The following FOXP2 variants were observed in gnomAD, a reference collection of about 807,000 sequenced individuals.
FOXP2 encodes the protein forkhead box P2.
In FOXP2, 12 loss-of-function variants were observed where a neutral mutation model predicts 115.8. The ratio of observed to expected loss-of-function variants is 0.10; its 90% CI spans 0.07 to 0.17. FOXP2 has a LOEUF of 0.17. Among genes scored for constraint, FOXP2 ranks in the 10% least tolerant of loss-of-function variants. The pLI is 1.00. For missense variants in FOXP2, 629 were observed against 843.5 expected (o/e 0.75, Z 3.15); for synonymous variants, 328 against 297.7 (o/e 1.10, Z -1.05).
chr7:114,532,793 G>A (rs912920334), intron 2 of FOXP2, among the ~76,000 whole-genome samples: 4 of 151,566 alleles, frequency 2.6e-5, no homozygotes, highest in Non-Finnish European at 4.4e-5. Context: ...AAACAATTAG[G>A]CATTAACTGG....
chr7:114,268,069 G>A (rs1274476531), intron 1 of FOXP2, among the ~76,000 whole-genome samples: 1 of 152,020 alleles, frequency 6.6e-6, no homozygotes, highest in African/African-American at 2.4e-5. Flanking sequence ...GTCCTCTTGT[G>A]AACTGGCTAA....
At chr7:114,240,416 A>G (rs924828282) in intron 1 of FOXP2, among the ~76,000 whole-genome samples, 1 of 152,146 alleles carries the variant, frequency 6.6e-6, no homozygotes, top group Non-Finnish European at 1.5e-5. Context: ...AGAACAATAA[A>G]TTCACAAAAT....
Position 114,260,446 on chromosome 7 carries a change from G to A in FOXP2, c.-101-27573G>A, listed in dbSNP as rs540253158. ...TAATGGGTCCTAGTAAGTTATTGGT[G>A]GCAAGTTACTTTTTTTTTTAAGACA... On this transcript the variant is annotated intron_variant, in intron 1 of 17. Transcript: ENST00000634411. Among the ~76,000 whole-genome samples the A allele has an allele frequency of 4.2e-4, 63 of 151,604 alleles. 1 individual carries two copies. Among genetic ancestry groups the A allele is most frequent in the Middle Eastern group, 3.4e-3 (1 of 292 alleles).
rs186266072 is a variant in FOXP2 at position 114,514,665 on chromosome 7, T to C, written c.169-19952T>C. On this transcript the variant is annotated intron_variant, in intron 2 of 16. Transcript: ENST00000350908. Reference sequence around the variant, plus strand: ...AATGCTGCAATAGGAGCTCACATATTTCTTTTTTACATTCAATTTATTTAT... The same window carrying C: ...AATGCTGCAATAGGAGCTCACATATCTCTTTTTTACATTCAATTTATTTAT... Among the ~76,000 whole-genome samples, 65 of 151,836 alleles carry C rather than the reference T, an allele frequency of 4.3e-4. No individual in the cohort carries two copies. The Middle Eastern group carries it at 0.01, about 24-fold the overall frequency.
intron 2 of FOXP2, among the ~76,000 whole-genome samples, chr7:114,352,613 G>A (rs1413167837): frequency 1.3e-5 from 2 of 152,198 alleles, no homozygotes; most frequent in East Asian, 3.9e-4. Flanking sequence ...TGGCAGGGTT[G>A]GCTCCCTCAG....
At chr7:114,689,597 C>A (rs1193544213) in intron 16 of FOXP2, among the ~76,000 whole-genome samples, 185 bp from the exon 17 acceptor site, 2 of 152,154 alleles carry the variant, frequency 1.3e-5, no homozygotes, top group Admixed American at 6.6e-5. Context: ...TGAATCCCTG[C>A]CTCCACAGTT....
chr7:114,292,132 C>T (rs1036683920), intron 2 of FOXP2, among the ~76,000 whole-genome samples: 2 of 150,846 alleles, frequency 1.3e-5, no homozygotes, highest in African/African-American at 4.9e-5. Flanking sequence ...ACAACCTTTG[C>T]CATGTTCTGT....
intron 2 of FOXP2, among the ~76,000 whole-genome samples, chr7:114,289,135 T>C (rs1036290174): frequency 5.9e-5 from 9 of 151,858 alleles, no homozygotes; most frequent in African/African-American, 1.9e-4. Flanking sequence ...GTTTGGCCTA[T>C]GGATTGTTTT....
chr7:114,283,840 G>A (rs987217919), intron 1 of FOXP2, among the ~76,000 whole-genome samples: 2 of 151,932 alleles, frequency 1.3e-5, no homozygotes, highest in Non-Finnish European at 2.9e-5. Flanking sequence ...CTCACACCCG[G>A]AGTCCCAGCT....
intron 2 of FOXP2, among the ~76,000 whole-genome samples, chr7:114,429,121 A>C (rs1253362121): frequency 6.6e-6 from 1 of 151,500 alleles, no homozygotes; most frequent in South Asian, 2.1e-4. Flanking sequence ...TATAGAGGTG[A>C]GTAGTTTGAC....
intron 13 of FOXP2, 114 bp from the exon 14 acceptor site, chr7:114,661,950 TA>T: frequency 7.4e-7 from 1 of 1,343,464 alleles, no homozygotes; most frequent in Non-Finnish European, 1.0e-6. Context: ...TTTTAATACT[TA>T]AACATGTTAA....
chr7:114,459,655 G>T (rs1363246099), intron 2 of FOXP2, among the ~76,000 whole-genome samples: 3 of 152,090 alleles, frequency 2.0e-5, no homozygotes, highest in African/African-American at 4.8e-5. Flanking sequence ...TCACTCAGCC[G>T]CCCAGGCTGG....
chr7:114,138,106 G>A (rs1421858186), intron 1 of FOXP2, among the ~76,000 whole-genome samples: 1 of 152,064 alleles, frequency 6.6e-6, no homozygotes, highest in African/African-American at 2.4e-5. Flanking sequence ...AAATAAATAA[G>A]ATAGAATAGA....
intron 16 of FOXP2, among the ~76,000 whole-genome samples, chr7:114,684,797 CATT>C (rs1421715145): frequency 2.0e-5 from 3 of 152,052 alleles, no homozygotes; most frequent in African/African-American, 7.2e-5. Context: ...CAAGTAATCT[CATT>C]AGAAGATTTC....
intron 1 of FOXP2, among the ~76,000 whole-genome samples, chr7:114,226,975 C>A (rs1310394469): frequency 6.6e-5 from 10 of 152,084 alleles, no homozygotes; most frequent in Non-Finnish European, 1.5e-5. Flanking sequence ...AAATTACATA[C>A]TCTAGTATGT....
intron 2 of FOXP2, among the ~76,000 whole-genome samples, chr7:114,472,214 T>C (rs888828304): frequency 6.6e-6 from 1 of 150,746 alleles, no homozygotes; most frequent in African/African-American, 2.4e-5. Context: ...CTTTTAAAGT[T>C]AAAAAAAAAG....
At chr7:114,421,978 C>G (rs1191745669) in intron 1 of FOXP2, among the ~76,000 whole-genome samples, 1 of 151,572 alleles carries the variant, frequency 6.6e-6, no homozygotes, top group South Asian at 2.1e-4. Flanking sequence ...TTGAGGTAAA[C>G]GTATGAGGTT....
chr7:114,249,835 C>T (rs1346328512), intron 1 of FOXP2, among the ~76,000 whole-genome samples: 1 of 151,770 alleles, frequency 6.6e-6, no homozygotes, highest in Non-Finnish European at 1.5e-5. Flanking sequence ...TTCTAGGGTA[C>T]ATGTGCACAA....
At chr7:114,263,422 C>CCCTTTCCTTTCCTTT (rs545404007) in intron 1 of FOXP2, among the ~76,000 whole-genome samples, 22 of 147,052 alleles carry the variant, frequency 1.5e-4, no homozygotes, top group African/African-American at 5.6e-4. Context: ...TTTTCCCTTT[C>CCCTTTCCTTTCCTTT]CCTTTCCTTT....
Sources: allele counts gnomAD v4.1 joint callset (sites outside exome capture counted in the v4.1 genomes callset), GRCh38; gene constraint gnomAD v4.1.1; transcripts MANE v1.5; gene names NCBI Gene and HGNC (gene_info 2026-07-23, HGNC 2026-07-21).